OSBPL1A: variants seen among roughly 807,000 people sequenced by gnomAD.
The protein encoded by OSBPL1A is oxysterol binding protein like 1A.
Under a neutral mutation model 137.1 loss-of-function variants are expected in OSBPL1A, and 80 were observed. The observed-to-expected ratio is 0.58, with a 90% confidence interval of 0.49 to 0.70. OSBPL1A has a LOEUF of 0.70. Among genes scored for constraint, OSBPL1A ranks in the 30% least tolerant of loss-of-function variants. The probability of loss-of-function intolerance (pLI) is 0.00; values close to 1 mark genes in which losing one functional copy is unlikely to be tolerated. For missense variants in OSBPL1A, 970 were observed against 1,129.4 expected (o/e 0.86, Z 2.02); for synonymous variants, 365 against 389.7 (o/e 0.94, Z 0.75).
intron 14 of OSBPL1A, among the ~76,000 whole-genome samples, chr18:24,281,523 G>A (rs2089957461): frequency 2.0e-5 from 3 of 151,768 alleles, no homozygotes; most frequent in Admixed American, 2.0e-4. Context: ...GAGTAGATGG[G>A]ACTACAGGCA....
At chr18:24,255,129 A>C (rs2089232057) in intron 15 of OSBPL1A, among the ~76,000 whole-genome samples, 1 of 152,168 alleles carries the variant, frequency 6.6e-6, no homozygotes, top group Non-Finnish European at 1.5e-5. Flanking sequence ...AAGACACATA[A>C]ACCTACACCA....
intron 17 of OSBPL1A, among the ~76,000 whole-genome samples, chr18:24,196,585 C>CT (rs1358412847): frequency 1.3e-5 from 2 of 152,180 alleles, no homozygotes; most frequent in African/African-American, 4.8e-5. Context: ...TTATCATTCT[C>CT]TAGCCGCTAA....
chr18:24,344,268 G>A (rs2091312227), intron 4 of OSBPL1A, among the ~76,000 whole-genome samples: 1 of 152,124 alleles, frequency 6.6e-6, no homozygotes, highest in Admixed American at 6.5e-5. Context: ...TGGCCAACCT[G>A]GTGAAACCTG....
At chr18:24,300,817 G>GTCTC (rs146806503) in intron 14 of OSBPL1A, among the ~76,000 whole-genome samples, 1 of 150,170 alleles carries the variant, frequency 6.7e-6, no homozygotes, top group Non-Finnish European at 1.5e-5. Context: ...CTATCAGTCT[G>GTCTC]TCTCTCTCTC....
rs758530059 is a variant in OSBPL1A, at chr18:24,171,549, T to C, written c.2202-51A>G. On this transcript the variant is annotated intron_variant, in intron 22 of 27. Transcript: ENST00000319481. ...TTATCATTTATTAGCAAAGCAGCAG[T>C]AGAGAAAAATAACTGTGATCACTTT... is the stretch of plus-strand genomic sequence containing the variant. 2.2e-6 allele frequency: 3 copies of C among 1,391,324 alleles called. No individual in the cohort carries two copies. In the South Asian group the frequency reaches 3.7e-5, roughly 17 times the overall value. 86.2% of individuals were successfully genotyped at this position (1,391,324 alleles called of 1,614,324 possible). A position where few individuals can be genotyped will look rare whatever the true frequency, so the allele number is the denominator to read the frequency against.
intron 7 of OSBPL1A, among the ~76,000 whole-genome samples, chr18:24,326,125 T>G (rs1207858329): frequency 6.6e-6 from 1 of 152,104 alleles, no homozygotes; most frequent in Non-Finnish European, 1.5e-5. Flanking sequence ...ACATACAGAA[T>G]TGTTCTTATC....
At chr18:24,235,032 G>C (rs1462000286) in intron 16 of OSBPL1A, among the ~76,000 whole-genome samples, 2 of 152,178 alleles carry the variant, frequency 1.3e-5, no homozygotes, top group Admixed American at 1.3e-4. Context: ...AGAGGCAGTA[G>C]GGTCTGGATC....
intron 18 of OSBPL1A, among the ~76,000 whole-genome samples, chr18:24,185,328 C>CT (rs200202342): frequency 0.014 from 1,974 of 139,834 alleles, 22 homozygotes; most frequent in African/African-American, 0.033. Context: ...ATTCTTTTTT[C>CT]TTTTTTTTTT....
At chr18:24,294,571 C>T (rs56130232) in intron 14 of OSBPL1A, among the ~76,000 whole-genome samples, 12,012 of 140,228 alleles carry the variant, frequency 0.086, 1,548 homozygotes, top group African/African-American at 0.29. Flanking sequence ...AGACTCTTTC[C>T]TTCCCAGTCC....
chr18:24,260,736 C>T (rs183170900), intron 15 of OSBPL1A, among the ~76,000 whole-genome samples: 1 of 150,994 alleles, frequency 6.6e-6, no homozygotes, highest in East Asian at 1.9e-4. Context: ...GTGATAACTG[C>T]ACACTGTGAA....
chr18:24,286,209 G>C (rs796342066), intron 14 of OSBPL1A, among the ~76,000 whole-genome samples: 1 of 152,080 alleles, frequency 6.6e-6, no homozygotes, highest in South Asian at 2.1e-4. Flanking sequence ...TTATATAAAT[G>C]CTTCAATGAA....
rs375997256 is a variant in OSBPL1A at position 24,225,076 on chromosome 18, C to T, written c.1567G>A (p.Gly523Arg). ...RMSEEKDCGG[G>R]DALSNGIKKH... ...TTGATGCCATTGGAGAGAGCATCTC[C>T]GCCACCACAGTCTTTTTCTTCGGAC... The change falls in exon 17 of 28, where the codon GGA becomes AGA. Residue 523 changes from glycine to arginine, a missense_variant. By Grantham distance (125) the Gly-to-Arg change is moderately radical (BLOSUM62 -2). Coordinates refer to ENST00000319481, the MANE Select transcript of OSBPL1A (RefSeq NM_080597.4). The T allele has an allele frequency of 4.1e-5, 66 of 1,614,174 alleles. 1 individual carries two copies. Among genetic ancestry groups the T allele is most frequent in the East Asian group, 3.8e-4 (17 of 44,892 alleles).
chr18:24,237,407 C>T (rs1041153348), intron 16 of OSBPL1A, among the ~76,000 whole-genome samples: 1 of 152,046 alleles, frequency 6.6e-6, no homozygotes, highest in African/African-American at 2.4e-5. Flanking sequence ...TGGGCTTAAG[C>T]GATCCTCCCA....
At chr18:24,321,785 A>G (rs936203829) in intron 7 of OSBPL1A, 4 of 457,730 alleles carry the variant, frequency 8.7e-6, no homozygotes, top group Non-Finnish European at 1.8e-5. Flanking sequence ...AGATGGCATG[A>G]TATCTGGAAT....
At chr18:24,163,331 CA>C in intron 27 of OSBPL1A, 50 bp from the exon 28 acceptor site, 1 of 1,349,620 alleles carries the variant, frequency 7.4e-7, no homozygotes, top group Non-Finnish European at 1.0e-6. Context: ...TGGAAAATCA[CA>C]GGCTGTTTCT....
At chr18:24,292,935 G>A (rs914781745) in intron 14 of OSBPL1A, among the ~76,000 whole-genome samples, 4 of 151,666 alleles carry the variant, frequency 2.6e-5, no homozygotes, top group Admixed American at 1.3e-4. Flanking sequence ...GAGAAACTCC[G>A]TCTCTACTAA....
chr18:24,308,424 T>C lies in OSBPL1A; in HGVS notation c.1092+3560A>G, dbSNP rs1402913610. 3.3e-5 allele frequency among the ~76,000 whole-genome samples: 5 copies of C among 151,972 alleles called. No homozygotes were observed. The East Asian group carries it at 9.7e-4, about 29-fold the overall frequency. ...TTTTTAAGATGGGGATTCGCCATGT[T>C]GCCCAGGATAGTCTGGAACTCCTGG... On this transcript the variant is annotated intron_variant, in intron 13 of 27. Transcript: ENST00000319481.
chr18:24,353,817 G>A (rs2091486941), intron 4 of OSBPL1A, among the ~76,000 whole-genome samples: 1 of 151,130 alleles, frequency 6.6e-6, no homozygotes, highest in Non-Finnish European at 1.5e-5. Flanking sequence ...CTATCGCAAG[G>A]ACGAGAAACC....
intron 16 of OSBPL1A, among the ~76,000 whole-genome samples, chr18:24,231,752 A>C (rs2088287798): frequency 6.6e-6 from 1 of 152,228 alleles, no homozygotes; most frequent in Admixed American, 6.5e-5. Context: ...CCTGACCGCT[A>C]TGCTCCTTTT....
Sources: allele counts gnomAD v4.1 joint callset (sites outside exome capture counted in the v4.1 genomes callset), GRCh38; gene constraint gnomAD v4.1.1; transcripts MANE v1.5; gene names NCBI Gene and HGNC (gene_info 2026-07-23, HGNC 2026-07-21).